The following SLCO5A1 variants were observed in gnomAD, a reference collection of about 807,000 sequenced individuals.
SLCO5A1 encodes the protein solute carrier organic anion transporter family member 5A1, also known as organic anion transporter polypeptide-related protein 4.
In SLCO5A1, 39 loss-of-function variants were observed where a neutral mutation model predicts 65.1. That is an observed-to-expected ratio of 0.60 (90% CI 0.46 to 0.78). The LOEUF (loss-of-function observed/expected upper bound fraction) is 0.78, where lower values mean the gene tolerates loss of function less well. Among genes scored for constraint, SLCO5A1 ranks in the 30% least tolerant of loss-of-function variants. The probability of loss-of-function intolerance (pLI) is 0.00; values close to 1 mark genes in which losing one functional copy is unlikely to be tolerated. For synonymous variants in SLCO5A1, 438 were observed against 415.7 expected, an observed-to-expected ratio of 1.05 and a Z score of -0.65; for missense variants, 1,029 against 1,069.4, an observed-to-expected ratio of 0.96 and a Z score of 0.53.
intron 2 of SLCO5A1, among the ~76,000 whole-genome samples, chr8:69,775,589 T>C (rs1333591204): frequency 2.6e-5 from 4 of 152,206 alleles, no homozygotes; most frequent in Admixed American, 1.3e-4. Context: ...TTTTAAAGTA[T>C]ATTTTGGAAC....
At chr8:69,674,273 TC>T (rs2130782639) in intron 9 of SLCO5A1, among the ~76,000 whole-genome samples, 1 of 152,068 alleles carries the variant, frequency 6.6e-6, no homozygotes, top group South Asian at 2.1e-4. Context: ...CCCAAAGACC[TC>T]AATAAAAATT....
chr8:69,792,394 G>C (rs1819311736), intron 2 of SLCO5A1, among the ~76,000 whole-genome samples: 1 of 152,168 alleles, frequency 6.6e-6, no homozygotes, highest in African/African-American at 2.4e-5. Flanking sequence ...AATAAGGTAA[G>C]GAGTGAATTA....
At chr8:69,675,114 C>CTTATTTCTAAATG (rs1350218864) in intron 9 of SLCO5A1, among the ~76,000 whole-genome samples, 1 of 151,322 alleles carries the variant, frequency 6.6e-6, no homozygotes, top group Admixed American at 6.6e-5. Flanking sequence ...AACAAATCTC[C>CTTATTTCTAAATG]TTATTTCTAA....
chr8:69,792,929 G>GT (rs913481978), intron 2 of SLCO5A1, among the ~76,000 whole-genome samples: 4 of 151,370 alleles, frequency 2.6e-5, no homozygotes, highest in Non-Finnish European at 5.9e-5. Context: ...TTTTTTTAAG[G>GT]TTTTTTTTCG....
intron 2 of SLCO5A1, among the ~76,000 whole-genome samples, chr8:69,774,003 C>T (rs557560559): frequency 2.0e-5 from 3 of 152,358 alleles, no homozygotes; most frequent in Non-Finnish European, 1.5e-5. Context: ...GCACTGCATA[C>T]ATTTATATAT....
chr8:69,760,840 C>G (rs1024942610), intron 3 of SLCO5A1, among the ~76,000 whole-genome samples: 1 of 152,122 alleles, frequency 6.6e-6, no homozygotes, highest in Non-Finnish European at 1.5e-5. Context: ...CTAAGCATTA[C>G]TTATTTTCCA....
At chr8:69,743,892 A>C (rs1311974863) in intron 4 of SLCO5A1, among the ~76,000 whole-genome samples, 1 of 152,186 alleles carries the variant, frequency 6.6e-6, no homozygotes, top group Non-Finnish European at 1.5e-5. Flanking sequence ...GAGACTATAA[A>C]GGGCTAATTA....
chr8:69,668,623 A>G lies in SLCO5A1; in HGVS notation c.*4246T>C, dbSNP rs1412193126. The stretch of plus-strand genomic sequence containing the variant: ...AATGCTTCAGCTCCATCCAAACTCT[A>G]AAGTTTCTCTTTGGTACATGCACGG... On this transcript the variant is annotated 3_prime_UTR_variant, in exon 10 of 10. Coordinates refer to ENST00000260126, the MANE Select transcript of SLCO5A1 (RefSeq NM_030958.3). 1.3e-5 allele frequency: 2 copies of G among 152,180 alleles called. No homozygotes were observed. Among genetic ancestry groups the G allele is most frequent in the South Asian group, 2.1e-4 (1 of 4,832 alleles). The allele number at this position is 152,180 out of a possible 1,614,324, so 9.4% of individuals were successfully genotyped here.
In SLCO5A1 at chr8:69,831,781, G is replaced by A. The variant is rs992694609; in HGVS notation, c.893C>T (p.Ser298Phe). ...GAAAGTCTTACCTAGGTACAAGGAG[G>A]AGTTTTCTTTCTTGACATTGTCATC... ...YLDDNVKKENSSLYLAIMYVM... is the reference protein window; with the variant it reads ...YLDDNVKKENFSLYLAIMYVM... Residue 298 changes from serine to phenylalanine, a missense_variant, in exon 2 of 10, where the codon TCC becomes TTC. Physicochemically the swap from Ser to Phe is radical, Grantham distance 155. Coordinates refer to ENST00000260126, the MANE Select transcript of SLCO5A1 (RefSeq NM_030958.3). The A allele has an allele frequency of 1.2e-6, 2 of 1,614,038 alleles. No individual in the cohort carries two copies. The highest frequency in any genetic ancestry group is 2.2e-5 in the East Asian group (1 of 44,874).
intron 2 of SLCO5A1, among the ~76,000 whole-genome samples, chr8:69,795,668 G>A (rs753921089): frequency 9.8e-5 from 15 of 152,324 alleles, no homozygotes; most frequent in Middle Eastern, 3.4e-3. Context: ...CACTATTCTG[G>A]GGTCTGGAGG....
chr8:69,827,053 A>C (rs1396668661), intron 2 of SLCO5A1, among the ~76,000 whole-genome samples: 1 of 151,050 alleles, frequency 6.6e-6, no homozygotes. Context: ...AAGAACAAGA[A>C]ACCAAACACC....
chr8:69,738,353 G>T (rs1816653728), intron 4 of SLCO5A1, 149 bp from the exon 5 acceptor site: 6 of 672,694 alleles, frequency 8.9e-6, no homozygotes, highest in Non-Finnish European at 1.4e-5. Context: ...ATGACGATTA[G>T]AAACCATCCT....
rs140205208 is a variant in SLCO5A1, at chr8:69,784,665, G to A, written c.908-22790C>T. On this transcript the variant is annotated intron_variant, in intron 2 of 9. Transcript: ENST00000260126. ...TAGACAGGCATGGTGGTGTGTGCTT[G>A]TAATCCCCGCTACCCAGGAGGCTGA... Among the ~76,000 whole-genome samples the A allele has an allele frequency of 2.9e-3, 441 of 151,812 alleles. 3 individuals carry two copies. Among genetic ancestry groups the A allele is most frequent in the African/African-American group, 0.01 (415 of 41,360 alleles).
chr8:69,824,866 C>T (rs1339782355), intron 2 of SLCO5A1, among the ~76,000 whole-genome samples: 1 of 152,064 alleles, frequency 6.6e-6, no homozygotes, highest in Non-Finnish European at 1.5e-5. Flanking sequence ...AACATTGATG[C>T]AAAAATCCTC....
intron 2 of SLCO5A1, among the ~76,000 whole-genome samples, chr8:69,796,991 GC>G (rs562310456): frequency 3.0e-4 from 45 of 152,228 alleles, no homozygotes; most frequent in African/African-American, 1.1e-3. Context: ...ATCACTATCA[GC>G]ATTTTGGTCA....
chr8:69,779,889 T>C (rs1402678371), intron 2 of SLCO5A1, among the ~76,000 whole-genome samples: 1 of 151,952 alleles, frequency 6.6e-6, no homozygotes, highest in Non-Finnish European at 1.5e-5. Context: ...TAGGAGAAAA[T>C]ATTTGCAAAA....
chr8:69,804,362 G>A (rs1450985732), intron 2 of SLCO5A1, among the ~76,000 whole-genome samples: 3 of 152,142 alleles, frequency 2.0e-5, no homozygotes, highest in African/African-American at 4.8e-5. Context: ...CACCCAGGCT[G>A]TAGTACAGTG....
rs546304932 is a variant in SLCO5A1, at chr8:69,668,368, A to G, written c.*4501T>C. 3.3e-5 allele frequency: 5 copies of G among 152,356 alleles called. No homozygotes were observed. The highest frequency in any genetic ancestry group is 1.9e-4 in the East Asian group (1 of 5,182). 9.4% of individuals were successfully genotyped at this position (152,356 alleles called of 1,614,324 possible). On this transcript the variant is annotated 3_prime_UTR_variant, in exon 10 of 10. Transcript: ENST00000260126. ...GTGGAAAGGCTACCTACTGGTCTGT[A>G]TAACAGAGAACTAGCAAACCTGCAG... is the stretch of plus-strand genomic sequence containing the variant.
chr8:69,747,733 T>A (rs1817104549), intron 4 of SLCO5A1, among the ~76,000 whole-genome samples: 1 of 152,204 alleles, frequency 6.6e-6, no homozygotes. Context: ...ATCTTGCAGT[T>A]CCTGTCATTT....
Sources: gnomAD v4.1 joint callset for allele counts (sites outside exome capture counted in the v4.1 genomes callset) on GRCh38, gnomAD v4.1.1 for gene constraint, MANE v1.5 for transcripts, NCBI Gene and HGNC (gene_info 2026-07-23, HGNC 2026-07-21) for gene names.